The following HDX variants were observed in gnomAD, a reference collection of about 807,000 sequenced individuals.
The protein encoded by HDX is chromosome X open reading frame 43.
In HDX, 19 loss-of-function variants were observed where a neutral mutation model predicts 45.2. The ratio of observed to expected loss-of-function variants is 0.42; its 90% confidence interval spans 0.29 to 0.62. The LOEUF (loss-of-function observed/expected upper bound fraction) is 0.62. Ranked by LOEUF, HDX falls within the 20% of genes least tolerant of loss-of-function variation. HDX has a pLI of 0.20. For synonymous variants in HDX, 188 were observed against 172.8 expected, an observed-to-expected ratio of 1.09 and a Z score of -0.69; for missense variants, 532 against 493.9, an observed-to-expected ratio of 1.08 and a Z score of -0.73.
rs140031442 is a variant in HDX, at chrX:84,380,738, T to C, written c.1306-19126A>G. On this transcript the variant is annotated intron_variant, in intron 5 of 10. Coordinates refer to ENST00000373177, the MANE Select transcript of HDX (RefSeq NM_001177479.2). ...ATAGAAGAAACATACCTCAACATAA[T>C]AAAAGGCATATATGACACTCAGTAT... Among the ~76,000 whole-genome samples, 783 of 110,415 alleles carry C rather than the reference T, an allele frequency of 7.1e-3. 2 individuals carry two copies. The highest frequency in any genetic ancestry group is 0.014 in the Middle Eastern group (3 of 213).
chrX:84,381,145 G>T (rs1471358908), intron 5 of HDX, among the ~76,000 whole-genome samples: 2 of 110,821 alleles, frequency 1.8e-5, no homozygotes, highest in African/African-American at 6.5e-5. Context: ...ATTAACCAAA[G>T]AAGTTAAAGA....
At chrX:84,361,435 T>C in intron 6 of HDX, 31 bp downstream of exon 6, 1 of 1,183,507 alleles carries the variant, frequency 8.4e-7, no homozygotes. Flanking sequence ...ATTCAGCAAC[T>C]ATAGCATGAA....
chrX:84,376,990 G>T (rs1209032015), intron 5 of HDX, among the ~76,000 whole-genome samples: 2 of 112,221 alleles, frequency 1.8e-5, no homozygotes, highest in Non-Finnish European at 3.8e-5. Flanking sequence ...TGAAGTCATA[G>T]TGATGGTGGC....
At chrX:84,418,455 T>A (rs1203919722) in intron 5 of HDX, among the ~76,000 whole-genome samples, 1 of 110,958 alleles carries the variant, frequency 9.0e-6, no homozygotes, top group Non-Finnish European at 1.9e-5. Flanking sequence ...ATTAGGGGGG[T>A]ACAAAAGTAA....
chrX:84,382,618 C>T (rs1307005968), intron 5 of HDX, among the ~76,000 whole-genome samples: 1 of 111,223 alleles, frequency 9.0e-6, no homozygotes, highest in African/African-American at 3.3e-5. Context: ...CACATGTTCT[C>T]AGTTATTTGT....
intron 5 of HDX, among the ~76,000 whole-genome samples, chrX:84,419,394 G>T (rs1267061223): frequency 8.9e-6 from 1 of 111,966 alleles, no homozygotes; most frequent in African/African-American, 3.2e-5. Flanking sequence ...GTGGCAGTCT[G>T]GTAGCATTTC....
intron 4 of HDX, 51 bp downstream of exon 4, chrX:84,468,421 T>C (rs1367308115): frequency 1.2e-6 from 1 of 813,775 alleles, no homozygotes; most frequent in East Asian, 3.5e-5. Flanking sequence ...CAAATCTAAC[T>C]GGATACACAC....
At chrX:84,423,752 T>A (rs2039322708) in intron 5 of HDX, among the ~76,000 whole-genome samples, 1 of 111,777 alleles carries the variant, frequency 8.9e-6, no homozygotes, top group Non-Finnish European at 1.9e-5. Context: ...GCATTTGATA[T>A]AATTCAACAT....
chrX:84,438,069 G>A (rs769654985), intron 5 of HDX, among the ~76,000 whole-genome samples: 2 of 111,140 alleles, frequency 1.8e-5, no homozygotes, highest in East Asian at 2.9e-4. Flanking sequence ...GATGGGGAAT[G>A]AGCCTACCAA....
At chrX:84,418,641 C>CAA (rs57873517) in intron 5 of HDX, among the ~76,000 whole-genome samples, 2 of 109,600 alleles carry the variant, frequency 1.8e-5, no homozygotes, top group African/African-American at 6.7e-5. Context: ...GGTTCAAAAA[C>CAA]AAAAAAAATA....
At chrX:84,462,018 A>G (rs1408085242) in intron 4 of HDX, among the ~76,000 whole-genome samples, 1 of 112,205 alleles carries the variant, frequency 8.9e-6, no homozygotes, top group Non-Finnish European at 1.9e-5. Flanking sequence ...ACAGGCAATA[A>G]CAAATGCTGG....
At chrX:84,434,530 A>G (rs2039578177) in intron 5 of HDX, among the ~76,000 whole-genome samples, 2 of 111,502 alleles carry the variant, frequency 1.8e-5, no homozygotes, top group Non-Finnish European at 3.8e-5. Flanking sequence ...ATCTCATTTG[A>G]TCATGGCATA....
At chrX:84,424,794 A>G (rs1443039670) in intron 5 of HDX, among the ~76,000 whole-genome samples, 1 of 111,406 alleles carries the variant, frequency 9.0e-6, no homozygotes, top group Non-Finnish European at 1.9e-5. Context: ...ATCTCTCACC[A>G]TAGACAAAAA....
In HDX at chrX:84,351,514, A is replaced by G. The variant is rs762927344; in HGVS notation, c.1453-7057T>C. Among the ~76,000 whole-genome samples the G allele has an allele frequency of 2.7e-5, 3 of 111,201 alleles. No homozygotes were observed. The East Asian group carries it at 8.6e-4, about 32-fold the overall frequency. On this transcript the variant is annotated intron_variant, in intron 6 of 10. Transcript: ENST00000373177. ...TCCCCGTGGTATTTGGCTGGAGTAA[A>G]GAAGTCATTATCTAAACATTTTCTG... is the stretch of plus-strand genomic sequence containing the variant.
chrX:84,492,002 T>C (rs1338467501), intron 1 of HDX, among the ~76,000 whole-genome samples: 2 of 111,306 alleles, frequency 1.8e-5, no homozygotes, highest in Admixed American at 1.9e-4. Flanking sequence ...GCTCTCTCCA[T>C]ATGCAGTTTT....
At chrX:84,473,941 A>G (rs2040497782) in intron 3 of HDX, among the ~76,000 whole-genome samples, 1 of 112,158 alleles carries the variant, frequency 8.9e-6, no homozygotes, top group Admixed American at 9.5e-5. Context: ...TTAATAGGAG[A>G]TATTTCTGGT....
intron 5 of HDX, among the ~76,000 whole-genome samples, chrX:84,418,457 C>T (rs931850894): frequency 9.0e-6 from 1 of 111,321 alleles, no homozygotes; most frequent in Non-Finnish European, 1.9e-5. Context: ...TAGGGGGGTA[C>T]AAAAGTAACT....
rs770280653 is a variant in HDX, at chrX:84,321,652, T to A, written c.*237A>T. 7.1e-4 allele frequency: 148 copies of A among 208,879 alleles called. No individual in the cohort carries two copies. The highest frequency in any genetic ancestry group is 4.2e-3 in the African/African-American group (141 of 33,842). The allele number at this position is 208,879 out of a possible 1,213,427, so 17.2% of individuals were successfully genotyped here. On this transcript the variant is annotated 3_prime_UTR_variant, in exon 11 of 11. Coordinates refer to ENST00000373177, the MANE Select transcript of HDX (RefSeq NM_001177479.2). ...TTAAACTGCTGAAACTTAAATATAATTTTTTTCCAGAGTTCCATCAGTTAA... is the reference window on the plus strand; with the variant it reads ...TTAAACTGCTGAAACTTAAATATAAATTTTTTCCAGAGTTCCATCAGTTAA...
intron 6 of HDX, among the ~76,000 whole-genome samples, chrX:84,360,985 T>C (rs1185992249): frequency 1.8e-5 from 2 of 111,841 alleles, no homozygotes; most frequent in Non-Finnish European, 3.8e-5. Context: ...TTAAACTTTT[T>C]GAGGACTGTT....
Sources: allele counts gnomAD v4.1 joint callset (sites outside exome capture counted in the v4.1 genomes callset), GRCh38; gene constraint gnomAD v4.1.1; transcripts MANE v1.5; gene names NCBI Gene and HGNC (gene_info 2026-07-23, HGNC 2026-07-21).